The following MTUS1 variants were observed in gnomAD, a reference collection of about 807,000 sequenced individuals.
MTUS1 encodes microtubule associated scaffold protein 1, also known as microtubule-associated tumor suppressor 1.
Under a neutral mutation model 120.8 loss-of-function variants are expected in MTUS1, and 109 were observed. The observed-to-expected ratio is 0.90, with a 90% CI of 0.77 to 1.06. The LOEUF (loss-of-function observed/expected upper bound fraction) is 1.06, where lower values mean the gene tolerates loss of function less well. Among genes scored for constraint, MTUS1 ranks in the 50% least tolerant of loss-of-function variants. The probability of loss-of-function intolerance (pLI) is 0.00; values close to 1 mark genes in which losing one functional copy is unlikely to be tolerated. For missense variants in MTUS1, 2,210 were observed against 1,486.3 expected (o/e 1.49, Z -8.01); for synonymous variants, 737 against 550.5 (o/e 1.34, Z -4.74).
intron 2 of MTUS1, among the ~76,000 whole-genome samples, chr8:17,750,690 C>G (rs752706837): frequency 2.0e-5 from 3 of 152,104 alleles, no homozygotes; most frequent in Non-Finnish European, 4.4e-5. Context: ...AGCACCTGAG[C>G]GTTACAGGGC....
chr8:17,760,672 C>G (rs1330221280), intron 1 of MTUS1, among the ~76,000 whole-genome samples: 2 of 152,132 alleles, frequency 1.3e-5, no homozygotes, highest in Middle Eastern at 3.2e-3. Flanking sequence ...TTCATCTCAC[C>G]TGACTCATAA....
At chr8:17,762,846 CCTT>C (rs2049150136) in intron 1 of MTUS1, among the ~76,000 whole-genome samples, 1 of 152,160 alleles carries the variant, frequency 6.6e-6, no homozygotes, top group South Asian at 2.1e-4. Flanking sequence ...GCATTTCTAT[CCTT>C]CTCCCTGGTG....
chr8:17,785,950 C>G (rs1454216463), intron 1 of MTUS1, among the ~76,000 whole-genome samples: 1 of 152,058 alleles, frequency 6.6e-6, no homozygotes, highest in African/African-American at 2.4e-5. Flanking sequence ...AAGACCAGCC[C>G]GGGCGACACA....
At chr8:17,732,920 C>A (rs918176647) in intron 3 of MTUS1, among the ~76,000 whole-genome samples, 5 of 152,112 alleles carry the variant, frequency 3.3e-5, no homozygotes, top group African/African-American at 1.2e-4. Context: ...GCCATCACAG[C>A]GACCCCCGCA....
At chr8:17,790,172 C>T (rs146385351) in intron 1 of MTUS1, among the ~76,000 whole-genome samples, 1 of 151,930 alleles carries the variant, frequency 6.6e-6, no homozygotes, top group African/African-American at 2.4e-5. Flanking sequence ...CATGGTGAAG[C>T]CCCACCTCTA....
intron 1 of MTUS1, among the ~76,000 whole-genome samples, chr8:17,761,196 A>T (rs999261577): frequency 3.9e-5 from 6 of 152,206 alleles, no homozygotes; most frequent in Non-Finnish European, 8.8e-5. Context: ...AACTACTAGT[A>T]CAAGCTTTGA....
At chr8:17,783,285 C>G (rs1038162378) in intron 1 of MTUS1, among the ~76,000 whole-genome samples, 5 of 152,208 alleles carry the variant, frequency 3.3e-5, no homozygotes, top group African/African-American at 1.2e-4. Context: ...TCTCTCCATT[C>G]CATCCATTCT....
At chr8:17,666,670 T>C (rs1452669691) in intron 8 of MTUS1, among the ~76,000 whole-genome samples, 2 of 152,202 alleles carry the variant, frequency 1.3e-5, no homozygotes, top group African/African-American at 4.8e-5. Context: ...TACTCAGATA[T>C]TGCTAATAAG....
At chr8:17,654,387 G>A (rs1807734708) in intron 10 of MTUS1, 174 bp downstream of exon 10, 2 of 595,218 alleles carry the variant, frequency 3.4e-6, no homozygotes, top group East Asian at 5.5e-5. Flanking sequence ...TGCATCCTTA[G>A]TGGGAAAAGG....
intron 1 of MTUS1, among the ~76,000 whole-genome samples, chr8:17,761,565 T>C (rs570505667): frequency 2.0e-5 from 3 of 152,282 alleles, no homozygotes; most frequent in East Asian, 1.9e-4. Context: ...TATATAAGAG[T>C]AGATGTCTTC....
intron 1 of MTUS1, among the ~76,000 whole-genome samples, chr8:17,796,957 C>T (rs976954850): frequency 1.3e-5 from 2 of 152,120 alleles, no homozygotes; most frequent in Admixed American, 1.3e-4. Flanking sequence ...ACTAAAAATA[C>T]AAAAATTAGC....
chr8:17,797,359 G>A (rs1410960160), intron 1 of MTUS1, among the ~76,000 whole-genome samples: 1 of 152,140 alleles, frequency 6.6e-6, no homozygotes, highest in African/African-American at 2.4e-5. Flanking sequence ...GCTGCAGTAA[G>A]CTATGATCAT....
At chr8:17,720,163 G>A (rs186628217) in intron 4 of MTUS1, among the ~76,000 whole-genome samples, 1 of 152,090 alleles carries the variant, frequency 6.6e-6, no homozygotes, top group African/African-American at 2.4e-5. Flanking sequence ...TGGCCAACAT[G>A]GTGAAACCCC....
Position 17,754,497 on chromosome 8 carries a change from T to C in MTUS1, c.1311A>G (p.Lys437=). 1 of 1,614,250 alleles carries C rather than the reference T, an allele frequency of 6.2e-7. No individual in the cohort carries two copies. Among genetic ancestry groups the C allele is most frequent in the Non-Finnish European group, 8.5e-7 (1 of 1,180,042 alleles). Residue 437 remains lysine, a synonymous_variant, in exon 2 of 15, where the codon AAA becomes AAG. Coordinates refer to ENST00000693296, the MANE Select transcript of MTUS1 (RefSeq NM_001363059.2). ...CAATCGGTGAAACAGAAAAGGTTAC[T>C]TTTGTGGGTTCTAGGACTGGTGTTG... is the stretch of plus-strand genomic sequence containing the variant. The part of the protein sequence containing the change: ...CMSTPVLEPT[K]VTFSVSPIEA...
At chr8:17,746,817 G>A (rs2047788756) in intron 2 of MTUS1, among the ~76,000 whole-genome samples, 1 of 152,126 alleles carries the variant, frequency 6.6e-6, no homozygotes, top group African/African-American at 2.4e-5. Flanking sequence ...TGTGAAGTTG[G>A]TAGGTTTATT....
At chr8:17,681,349 G>A (rs912777767) in intron 7 of MTUS1, among the ~76,000 whole-genome samples, 2 of 152,164 alleles carry the variant, frequency 1.3e-5, no homozygotes, top group African/African-American at 4.8e-5. Flanking sequence ...GGCAAGGACA[G>A]CAACCCAGTA....
intron 4 of MTUS1, among the ~76,000 whole-genome samples, chr8:17,720,812 A>G (rs2045779093): frequency 1.3e-5 from 2 of 152,334 alleles, no homozygotes; most frequent in South Asian, 4.1e-4. Flanking sequence ...TTTAACCTCT[A>G]TAAATGAGCA....
intron 7 of MTUS1, chr8:17,676,298 T>C (rs752148118): frequency 5.1e-5 from 36 of 702,960 alleles, no homozygotes; most frequent in Non-Finnish European, 7.3e-5. Flanking sequence ...ACATGGAGAA[T>C]AGAGGCACAG....
Position 17,654,626 on chromosome 8 carries a change from T to C in MTUS1, c.3149A>G (p.Glu1050Gly). The part of the protein sequence containing the change: ...LNAAHETSKL[E>G]IEASHSEKLE... ...TTTCTCTGAGTGGCTAGCTTCAATT[T>C]CCAACTTAGAGGTTTCATGCGCAGC... Residue 1050 changes from glutamate (E) to glycine (G), a missense_variant, in exon 10 of 15, where the codon GAA (glutamate) becomes GGA (glycine). Coordinates refer to ENST00000693296, the MANE Select transcript of MTUS1 (RefSeq NM_001363059.2). 1 of 1,614,204 alleles carries C rather than the reference T, an allele frequency of 6.2e-7. No homozygotes were observed. The highest frequency in any genetic ancestry group is 1.7e-5 in the Admixed American group (1 of 60,026).
Sources: allele counts gnomAD v4.1 joint callset (sites outside exome capture counted in the v4.1 genomes callset), GRCh38; gene constraint gnomAD v4.1.1; transcripts MANE v1.5; gene names NCBI Gene and HGNC (gene_info 2026-07-23, HGNC 2026-07-21).